Variants in LARS2 observed in about 807,000 individuals in gnomAD.
LARS2 encodes the protein leucine--tRNA ligase, mitochondrial.
Under a neutral mutation model 116.6 loss-of-function variants are expected in LARS2, and 81 were observed. The ratio of observed to expected loss-of-function variants is 0.69; its 90% CI spans 0.58 to 0.84. The LOEUF is 0.84. LARS2 is among the 40% of genes least tolerant of loss of function. LARS2 has a pLI of 0.00. For synonymous variants in LARS2, 396 were observed against 407.2 expected (o/e 0.97, Z 0.33); for missense variants, 968 against 1,114.5 (o/e 0.87, Z 1.87).
At chr3:45,419,648 C>T (rs1226990242) in intron 5 of LARS2, 21 bp from the exon 6 acceptor site, 11 of 1,607,286 alleles carry the variant, frequency 6.8e-6, no homozygotes, top group Non-Finnish European at 9.4e-6. Context: ...AAAACCAAAC[C>T]TTTTTCCCAT....
intron 4 of LARS2, among the ~76,000 whole-genome samples, chr3:45,416,967 G>A (rs1409818364): frequency 1.3e-5 from 2 of 151,776 alleles, no homozygotes; most frequent in African/African-American, 4.8e-5. Context: ...CCAGCTACTC[G>A]GGAGGCTGAT....
chr3:45,476,767 T>C, intron 10 of LARS2, 140 bp downstream of exon 10: 1 of 785,370 alleles, frequency 1.3e-6, no homozygotes, highest in Non-Finnish European at 2.0e-6. Context: ...TATGTTTTTA[T>C]TTTGAAACAT....
intron 17 of LARS2, among the ~76,000 whole-genome samples, chr3:45,517,502 G>A (rs541806522): frequency 2.4e-4 from 37 of 152,338 alleles, no homozygotes; most frequent in Non-Finnish European, 4.3e-4. Flanking sequence ...CTATCCACAA[G>A]GTAAGAGCTT....
In LARS2 at chr3:45,446,101, C is replaced by T. The variant is rs544478753; in HGVS notation, c.517-790C>T. Among the ~76,000 whole-genome samples the T allele has an allele frequency of 5.9e-5, 9 of 152,232 alleles. No individual in the cohort carries two copies. The South Asian group carries it at 1.9e-3, about 32-fold the overall frequency. ...TAAAAATAAAAAAGTCTGTTACAAA[C>T]GGAGTCATTTGAAACATTCCCTCCC... On this transcript the variant is annotated intron_variant, in intron 6 of 21. Coordinates refer to ENST00000645846, the MANE Select transcript of LARS2 (RefSeq NM_015340.4).
chr3:45,539,206 T>A (rs1700754042), intron 20 of LARS2, among the ~76,000 whole-genome samples: 1 of 151,826 alleles, frequency 6.6e-6, no homozygotes, highest in South Asian at 2.1e-4. Context: ...GAGAAGAAAA[T>A]GAAATCATGA....
At chr3:45,469,725 A>T (rs1699488805) in intron 8 of LARS2, among the ~76,000 whole-genome samples, 1 of 152,128 alleles carries the variant, frequency 6.6e-6, no homozygotes, top group African/African-American at 2.4e-5. Flanking sequence ...TCATTCCTCC[A>T]GCACATTCTA....
At position 45,394,626 on chromosome 3, in the gene LARS2, ATGT is replaced by A; in HGVS notation, c.176_178del (p.Val59del). 6.2e-7 allele frequency: 1 copy of A among 1,614,214 alleles called. No individual in the cohort carries two copies. Among genetic ancestry groups the A allele is most frequent in the Non-Finnish European group, 8.5e-7 (1 of 1,180,030 alleles). Reference sequence around the variant, plus strand: ...GAGTATACATTGCAGACAAGAAAGGATGTTGAGAAATGGTGGCATCAACGAATA... The same window carrying A: ...GAGTATACATTGCAGACAAGAAAGGATGAGAAATGGTGGCATCAACGAATA... On this transcript the variant is annotated inframe_deletion, in exon 3 of 22. Transcript: ENST00000645846.
Position 45,513,181 on chromosome 3 carries a change from A to G in LARS2, c.1807A>G (p.Thr603Ala), listed in dbSNP as rs775780980. Residue 603 changes from threonine to alanine, a missense_variant, in exon 16 of 22, where the codon ACA becomes GCA. Physicochemically the swap from Thr to Ala is moderately conservative, Grantham distance 58. Coordinates refer to ENST00000645846, the MANE Select transcript of LARS2 (RefSeq NM_015340.4). Reference sequence around the variant, plus strand: ...GGCCCAAGGCCTTATCAAGGGGCAGACATTCCGCCTACCATCTGGACAGTA... The same window carrying G: ...GGCCCAAGGCCTTATCAAGGGGCAGGCATTCCGCCTACCATCTGGACAGTA... ...LLAQGLIKGQTFRLPSGQYLQ... is the reference protein window; with the variant it reads ...LLAQGLIKGQAFRLPSGQYLQ... The G allele has an allele frequency of 6.2e-7, 1 of 1,613,960 alleles. No individual in the cohort carries two copies. Among genetic ancestry groups the G allele is most frequent in the East Asian group, 2.2e-5 (1 of 44,880 alleles).
At chr3:45,425,647 C>T (rs1314824174) in intron 6 of LARS2, among the ~76,000 whole-genome samples, 1 of 152,216 alleles carries the variant, frequency 6.6e-6, no homozygotes, top group Non-Finnish European at 1.5e-5. Flanking sequence ...TGTTCCCCAC[C>T]ATCAGCACAT....
At chr3:45,514,580 A>C (rs148697248) in intron 16 of LARS2, among the ~76,000 whole-genome samples, 2 of 152,348 alleles carry the variant, frequency 1.3e-5, no homozygotes, top group Non-Finnish European at 2.9e-5. Flanking sequence ...TCTCTGTAAC[A>C]GGCAAGGCTG....
chr3:45,526,262 G>C lies in LARS2; in HGVS notation c.2404+2154G>C, dbSNP rs570199638. 3.3e-5 allele frequency among the ~76,000 whole-genome samples: 5 copies of C among 152,246 alleles called. No individual in the cohort carries two copies. In the East Asian group the frequency reaches 9.6e-4, roughly 29 times the overall value. On this transcript the variant is annotated intron_variant, in intron 20 of 21. Coordinates refer to ENST00000645846, the MANE Select transcript of LARS2 (RefSeq NM_015340.4). ...AATTGTTTTATCCTTTTTGTTCTAA[G>C]GAACCTCTCAAATGAACAATTTTGT... is the stretch of plus-strand genomic sequence containing the variant.
rs565789153 is a variant in LARS2, at chr3:45,435,095, C to T, written c.517-11796C>T. Among the ~76,000 whole-genome samples, 171 of 152,256 alleles carry T rather than the reference C, an allele frequency of 1.1e-3. 1 individual carries two copies. Among genetic ancestry groups the T allele is most frequent in the African/African-American group, 3.6e-3 (150 of 41,530 alleles). ...CTAGGTTTCCTGAATAATATAAGGG[C>T]TGTTTGTTAGATACAGGCATGTATC... On this transcript the variant is annotated intron_variant, in intron 6 of 21. Coordinates refer to ENST00000645846, the MANE Select transcript of LARS2 (RefSeq NM_015340.4).
intron 16 of LARS2, 37 bp downstream of exon 16, chr3:45,513,272 C>A: frequency 7.2e-7 from 1 of 1,384,342 alleles, no homozygotes; most frequent in South Asian, 1.2e-5. Flanking sequence ...CAGGTACTCC[C>A]AGAGAGCCAA....
chr3:45,444,663 C>CAAAAAA (rs1247862635), intron 6 of LARS2, among the ~76,000 whole-genome samples: 10 of 83,326 alleles, frequency 1.2e-4, no homozygotes, highest in Admixed American at 3.4e-4. Flanking sequence ...GACTCCGTCT[C>CAAAAAA]AAAAAAAAAA....
chr3:45,485,882 G>A, intron 11 of LARS2, 86 bp downstream of exon 11: 1 of 715,378 alleles, frequency 1.4e-6, no homozygotes, highest in East Asian at 2.7e-5. Context: ...ATCTGGAAGA[G>A]CTGACTATAG....
rs1292784917 is a variant in LARS2 at position 45,462,809 on chromosome 3, T to C, written c.750+3923T>C. Among the ~76,000 whole-genome samples the C allele has an allele frequency of 7.9e-5, 12 of 152,302 alleles. No homozygotes were observed. The East Asian group carries it at 2.3e-3, about 29-fold the overall frequency. ...GAGCCCTCCTTTCATTCACTTAACT[T>C]CCTAATTTTAAAGACAGTGCCTGAT... On this transcript the variant is annotated intron_variant, in intron 8 of 21. Transcript: ENST00000645846.
At chr3:45,433,995 C>T (rs1353830600) in intron 6 of LARS2, among the ~76,000 whole-genome samples, 1 of 152,104 alleles carries the variant, frequency 6.6e-6, no homozygotes, top group Non-Finnish European at 1.5e-5. Flanking sequence ...CATTATTTCT[C>T]TCTGGCTGCT....
chr3:45,434,066 C>T (rs1394562126), intron 6 of LARS2, among the ~76,000 whole-genome samples: 2 of 151,944 alleles, frequency 1.3e-5, no homozygotes, highest in African/African-American at 4.8e-5. Flanking sequence ...GAGTAGATTT[C>T]TTTGGGTTTA....
chr3:45,457,101 C>T (rs528947348), intron 7 of LARS2, among the ~76,000 whole-genome samples: 3 of 152,216 alleles, frequency 2.0e-5, no homozygotes, highest in Non-Finnish European at 2.9e-5. Context: ...GCAGGGGCAA[C>T]GTCAGGGGGC....
Sources: gnomAD v4.1 joint callset for allele counts (sites outside exome capture counted in the v4.1 genomes callset) on GRCh38, gnomAD v4.1.1 for gene constraint, MANE v1.5 for transcripts, NCBI Gene and HGNC (gene_info 2026-07-23, HGNC 2026-07-21) for gene names.